The following SETD7 variants were observed in gnomAD, a reference collection of about 807,000 sequenced individuals.
SETD7 encodes histone-lysine N-methyltransferase SETD7.
Under a neutral mutation model 41.8 loss-of-function variants are expected in SETD7, and 16 were observed. That is an observed-to-expected ratio of 0.38 (90% CI 0.26 to 0.58). SETD7 has a LOEUF of 0.58. Ranked by LOEUF, SETD7 falls within the 20% of genes least tolerant of loss-of-function variation. The pLI is 0.64. For synonymous variants in SETD7, 163 were observed against 169.7 expected (o/e 0.96, Z 0.31); for missense variants, 346 against 459.7 (o/e 0.75, Z 2.26).
chr4:139,509,494 A>C lies in SETD7; in HGVS notation c.*2169T>G, dbSNP rs1726809398. On this transcript the variant is annotated 3_prime_UTR_variant, in exon 8 of 8. Coordinates refer to ENST00000274031, the MANE Select transcript of SETD7 (RefSeq NM_030648.4). ...CCACTTAGGACGTAAATTGTACCCC[A>C]CTGCAGCCAGGACCAGAATGCTATC... 1 of 159,066 alleles carries C rather than the reference A, an allele frequency of 6.3e-6. No homozygotes were observed. Among genetic ancestry groups the C allele is most frequent in the Non-Finnish European group, 1.3e-5 (1 of 74,366 alleles). 9.9% of individuals were successfully genotyped at this position (159,066 alleles called of 1,614,324 possible). A position where few individuals can be genotyped will look rare whatever the true frequency, so the allele number is the denominator to read the frequency against.
At chr4:139,512,605 C>A (rs2111122919) in intron 7 of SETD7, among the ~76,000 whole-genome samples, 1 of 152,134 alleles carries the variant, frequency 6.6e-6, no homozygotes, top group East Asian at 1.9e-4. Context: ...GCAGAACAGG[C>A]AGATAAATAA....
At position 139,509,712 on chromosome 4, in the gene SETD7, A is replaced by G. The variant is rs905923181; in HGVS notation, c.*1951T>C. ...AAAGCACCTATCAGAATGCAAGTCCAGAGGCCCTGGCCCATCCGTCACAGT... is the reference window on the plus strand; with the variant it reads ...AAAGCACCTATCAGAATGCAAGTCCGGAGGCCCTGGCCCATCCGTCACAGT... On this transcript the variant is annotated 3_prime_UTR_variant, in exon 8 of 8. Coordinates refer to ENST00000274031, the MANE Select transcript of SETD7 (RefSeq NM_030648.4). The G allele has an allele frequency of 4.1e-6, 4 of 985,456 alleles. No individual in the cohort carries two copies. The highest frequency in any genetic ancestry group is 1.0e-3 in the Middle Eastern group (2 of 1,938). 61.0% of individuals were successfully genotyped at this position (985,456 alleles called of 1,614,324 possible). A position where few individuals can be genotyped will look rare whatever the true frequency, so the allele number is the denominator to read the frequency against.
intron 3 of SETD7, among the ~76,000 whole-genome samples, chr4:139,530,116 T>C (rs1348554671): frequency 6.6e-6 from 1 of 152,206 alleles, no homozygotes; most frequent in East Asian, 1.9e-4. Context: ...CAAAAAGTAA[T>C]GAATAATTTA....
intron 1 of SETD7, among the ~76,000 whole-genome samples, chr4:139,553,907 G>A (rs762630301): frequency 6.6e-6 from 1 of 152,186 alleles, no homozygotes; most frequent in Non-Finnish European, 1.5e-5. Flanking sequence ...GTTATGTAAA[G>A]ACTATTGCAA....
intron 2 of SETD7, among the ~76,000 whole-genome samples, chr4:139,545,980 A>G (rs1193313438): frequency 6.6e-6 from 1 of 152,208 alleles, no homozygotes; most frequent in Non-Finnish European, 1.5e-5. Flanking sequence ...TTGCTCCTGA[A>G]GCTGACAGGG....
intron 2 of SETD7, among the ~76,000 whole-genome samples, chr4:139,538,378 G>A (rs1727696531): frequency 1.3e-5 from 2 of 152,108 alleles, no homozygotes; most frequent in East Asian, 3.9e-4. Context: ...CGCCTAGGCT[G>A]GAATACAGTG....
rs1254339819 is a variant in SETD7, at chr4:139,508,633, C to T, written c.*3030G>A. 1.3e-4 allele frequency: 20 copies of T among 152,180 alleles called. No homozygotes were observed. The highest frequency in any genetic ancestry group is 1.3e-3 in the Admixed American group (20 of 15,286). The allele number at this position is 152,180 out of a possible 1,614,324, so 9.4% of individuals were successfully genotyped here. ...ACAGTGTCGCACACACACATAGGCT[C>T]CCGCTGTTTTTCAGGAGAGCATAAA... On this transcript the variant is annotated 3_prime_UTR_variant, in exon 8 of 8. Coordinates refer to ENST00000274031, the MANE Select transcript of SETD7 (RefSeq NM_030648.4).
intron 7 of SETD7, among the ~76,000 whole-genome samples, chr4:139,514,282 GA>G (rs5862423): frequency 0.22 from 33,099 of 148,474 alleles, 4,517 homozygotes; most frequent in African/African-American, 0.39. Flanking sequence ...ACCCATCTCA[GA>G]AAAAAAAAAT....
chr4:139,523,259 C>A, intron 5 of SETD7, 95 bp downstream of exon 5: 1 of 854,072 alleles, frequency 1.2e-6, no homozygotes, highest in South Asian at 1.8e-5. Context: ...GGAACCCAGC[C>A]TGGGCAGAGA....
At chr4:139,530,669 G>A (rs769564246) in intron 3 of SETD7, among the ~76,000 whole-genome samples, 5 of 152,114 alleles carry the variant, frequency 3.3e-5, no homozygotes, top group Non-Finnish European at 7.4e-5. Context: ...TAAAACAGAA[G>A]TCTGTCTTTC....
At chr4:139,493,501 G>GAA (rs1726394022), downstream of SETD7, among the ~76,000 whole-genome samples, 1 of 151,976 alleles carries the variant, frequency 6.6e-6, no homozygotes, top group Admixed American at 6.6e-5. Context: ...GAAAGCCATT[G>GAA]AAGTGTTTCA....
chr4:139,541,290 C>T (rs527776728), intron 2 of SETD7, among the ~76,000 whole-genome samples: 1 of 152,064 alleles, frequency 6.6e-6, no homozygotes. Flanking sequence ...AAAAGTCTTG[C>T]CTTTAGGTTC....
At chr4:139,545,915 C>A (rs1727930214) in intron 2 of SETD7, among the ~76,000 whole-genome samples, 1 of 152,156 alleles carries the variant, frequency 6.6e-6, no homozygotes, top group Non-Finnish European at 1.5e-5. Context: ...AAATAGCTAG[C>A]CCTTTTGCGG....
chr4:139,498,515 A>G (rs1560669548), intron 7 of SETD7, among the ~76,000 whole-genome samples: 1 of 152,114 alleles, frequency 6.6e-6, no homozygotes, highest in Non-Finnish European at 1.5e-5. Flanking sequence ...TCTACCTCCT[A>G]CTTGATCCTG....
At chr4:139,518,077 C>T (rs759151152) in intron 6 of SETD7, 35 bp from the exon 7 acceptor site, 1 of 1,591,788 alleles carries the variant, frequency 6.3e-7, no homozygotes, top group Non-Finnish European at 8.5e-7. Context: ...TTAGAGAGGA[C>T]CTTTCTCCCC....
Position 139,506,442 on chromosome 4 carries a change from A to G in SETD7, c.*5221T>C, listed in dbSNP as rs866502199. 2 of 152,752 alleles carry G rather than the reference A, an allele frequency of 1.3e-5. No homozygotes were observed. Among genetic ancestry groups the G allele is most frequent in the Middle Eastern group, 3.4e-3 (1 of 294 alleles). 9.5% of individuals were successfully genotyped at this position (152,752 alleles called of 1,614,324 possible). A position where few individuals can be genotyped will look rare whatever the true frequency, so the allele number is the denominator to read the frequency against. ...ACCTAATAAATGTATTTCAGGATAA[A>G]GAGAGAACATAGAACACCCAGGAGG... On this transcript the variant is annotated 3_prime_UTR_variant, in exon 8 of 8. Transcript: ENST00000274031.
chr4:139,498,001 A>AT (rs1164181136), intron 7 of SETD7, among the ~76,000 whole-genome samples: 1 of 152,204 alleles, frequency 6.6e-6, no homozygotes, highest in East Asian at 1.9e-4. Context: ...GGAAATAGAA[A>AT]TAAAAACTGG....
At chr4:139,526,442 T>C (rs1727333044) in intron 4 of SETD7, among the ~76,000 whole-genome samples, 1 of 150,484 alleles carries the variant, frequency 6.6e-6, no homozygotes, top group Non-Finnish European at 1.5e-5. Flanking sequence ...GCTAATTTTT[T>C]TTTTTTTTTT....
At chr4:139,532,838 C>A in intron 3 of SETD7, 1 of 383,080 alleles carries the variant, frequency 2.6e-6, no homozygotes, top group Non-Finnish European at 4.7e-6. Context: ...CACTATCTCC[C>A]TCTATGTGCC....
Sources: gnomAD v4.1 joint callset for allele counts (sites outside exome capture counted in the v4.1 genomes callset) on GRCh38, gnomAD v4.1.1 for gene constraint, MANE v1.5 for transcripts, NCBI Gene and HGNC (gene_info 2026-07-23, HGNC 2026-07-21) for gene names.